Variants in LRRFIP1 observed in about 807,000 individuals in gnomAD.
LRRFIP1 encodes the protein LRR binding FLII interacting protein 1, also known as leucine-rich repeat flightless-interacting protein 1.
A neutral mutation model predicts 104.4 loss-of-function variants in LRRFIP1; 62 were observed. That is an observed-to-expected ratio of 0.59 (90% CI 0.48 to 0.73). The LOEUF is 0.73. LRRFIP1 is among the 30% of genes least tolerant of loss of function. The pLI is 0.00. For missense variants in LRRFIP1, 796 were observed against 824.5 expected (o/e 0.97, Z 0.42); for synonymous variants, 300 against 299.0 (o/e 1.00, Z -0.03).
chr2:237,664,054 GA>G (rs2088663761), intron 1 of LRRFIP1, among the ~76,000 whole-genome samples: 1 of 152,068 alleles, frequency 6.6e-6, no homozygotes, highest in African/African-American at 2.4e-5. Flanking sequence ...GGTGGGGGCA[GA>G]GGGGAAACAG....
Position 237,661,468 on chromosome 2 carries a change from G to C in LRRFIP1, c.96+33728G>C, listed in dbSNP as rs183885508. Among the ~76,000 whole-genome samples, 2 of 152,284 alleles carry C rather than the reference G, an allele frequency of 1.3e-5. No individual in the cohort carries two copies. The highest frequency in any genetic ancestry group is 4.8e-5 in the African/African-American group (2 of 41,570). On this transcript the variant is annotated intron_variant, in intron 1 of 23. Transcript: ENST00000308482. This position sits in a 1 kb window ranked among gnomAD's most constrained non-coding sequence, Gnocchi z 4.4. ...CCAGCTGGCCGGGCTGCCCTCCCCAGACTCCCTCCTTCCTTCCAGATGTGA... is the reference window on the plus strand; with the variant it reads ...CCAGCTGGCCGGGCTGCCCTCCCCACACTCCCTCCTTCCTTCCAGATGTGA...
At chr2:237,772,003 C>T in intron 20 of LRRFIP1, 78 bp from the exon 21 acceptor site, 1 of 969,234 alleles carries the variant, frequency 1.0e-6, no homozygotes, top group Admixed American at 2.0e-5. Flanking sequence ...TGCTTCCTTT[C>T]TGATGGGCTC....
chr2:237,665,804 C>G (rs1452110234), intron 1 of LRRFIP1, among the ~76,000 whole-genome samples: 1 of 152,182 alleles, frequency 6.6e-6, no homozygotes, highest in African/African-American at 2.4e-5. Flanking sequence ...TTCTGAAGAC[C>G]CTCAAGCTGC....
intron 1 of LRRFIP1, among the ~76,000 whole-genome samples, chr2:237,646,204 T>C (rs78141237): frequency 0.02 from 3,015 of 151,950 alleles, 113 homozygotes; most frequent in African/African-American, 0.07. Flanking sequence ...TACTAGCTAT[T>C]TTCCTCCTTT....
intron 22 of LRRFIP1, 63 bp downstream of exon 22, chr2:237,773,008 C>T: frequency 2.2e-6 from 3 of 1,378,802 alleles, no homozygotes; most frequent in East Asian, 2.3e-5. Flanking sequence ...CTAGAAATAG[C>T]CCTGAAAGGC....
At chr2:237,715,092 A>G (rs989446106) in intron 3 of LRRFIP1, among the ~76,000 whole-genome samples, 2 of 152,236 alleles carry the variant, frequency 1.3e-5, no homozygotes, top group Non-Finnish European at 2.9e-5. Flanking sequence ...CGGAGGTTAG[A>G]GCACACAGGC....
chr2:237,655,719 A>T (rs2086705742), intron 1 of LRRFIP1, among the ~76,000 whole-genome samples: 1 of 152,252 alleles, frequency 6.6e-6, no homozygotes, highest in African/African-American at 2.4e-5. Flanking sequence ...AACCAAAACC[A>T]GTTCTCTGTA....
In LRRFIP1 at chr2:237,762,860, G is replaced by A. The variant is rs147303790; in HGVS notation, c.1459+2655G>A. 6.8e-6 allele frequency: 11 copies of A among 1,614,186 alleles called. No homozygotes were observed. In the Admixed American group the frequency reaches 1.8e-4, roughly 27 times the overall value. Reference sequence around the variant, plus strand: ...AATTCTTGAGAGCAGTTCTCTCCCTGAAAACACAGTACAGGTTGAGTCAAA... The same window carrying A: ...AATTCTTGAGAGCAGTTCTCTCCCTAAAAACACAGTACAGGTTGAGTCAAA... On this transcript the variant is annotated intron_variant, in intron 19 of 23. Coordinates refer to ENST00000308482, the MANE Select transcript of LRRFIP1 (RefSeq NM_001137550.2).
At chr2:237,652,624 A>G (rs2149401631) in intron 1 of LRRFIP1, among the ~76,000 whole-genome samples, 1 of 152,382 alleles carries the variant, frequency 6.6e-6, no homozygotes, top group South Asian at 2.1e-4. Context: ...TGTCTCAAAG[A>G]GGTACTTGTA....
intron 11 of LRRFIP1, among the ~76,000 whole-genome samples, chr2:237,745,815 A>G (rs2057767533): frequency 6.6e-6 from 1 of 152,222 alleles, no homozygotes; most frequent in Non-Finnish European, 1.5e-5. Flanking sequence ...CCGTGGAGCA[A>G]ACATGCCACA....
chr2:237,664,554 A>C (rs892570219), intron 1 of LRRFIP1, among the ~76,000 whole-genome samples: 3 of 152,210 alleles, frequency 2.0e-5, no homozygotes, highest in Non-Finnish European at 4.4e-5. Flanking sequence ...CCAAGACTGA[A>C]TGGACTTTTT....
chr2:237,642,862 A>C (rs2084236041), intron 1 of LRRFIP1, among the ~76,000 whole-genome samples: 1 of 152,170 alleles, frequency 6.6e-6, no homozygotes, highest in East Asian at 1.9e-4. Flanking sequence ...TTTCGATTCT[A>C]GGCTCCAGGT....
chr2:237,658,317 T>C (rs1359738599), intron 1 of LRRFIP1, among the ~76,000 whole-genome samples: 1 of 152,240 alleles, frequency 6.6e-6, no homozygotes, highest in African/African-American at 2.4e-5. Context: ...CATACCATGT[T>C]CTTGGATAAG....
At chr2:237,652,132 G>A (rs1471503195) in intron 1 of LRRFIP1, among the ~76,000 whole-genome samples, 4 of 152,206 alleles carry the variant, frequency 2.6e-5, no homozygotes, top group South Asian at 2.1e-4. Flanking sequence ...AAGCAGTGGC[G>A]CCCCCACTCT....
At chr2:237,743,088 G>A (rs888539746) in intron 11 of LRRFIP1, among the ~76,000 whole-genome samples, 4 of 152,178 alleles carry the variant, frequency 2.6e-5, no homozygotes, top group Non-Finnish European at 5.9e-5. Flanking sequence ...GCCAGGGATG[G>A]GATACAGTTG....
At chr2:237,704,119 G>C (rs2093683249) in intron 1 of LRRFIP1, among the ~76,000 whole-genome samples, 1 of 151,418 alleles carries the variant, frequency 6.6e-6, no homozygotes, top group Non-Finnish European at 1.5e-5. Flanking sequence ...AGTGTCTCTG[G>C]GGAAGAATTT....
At chr2:237,749,400 G>GT (rs1364477810) in intron 13 of LRRFIP1, 76 bp downstream of exon 13, 12 of 1,410,148 alleles carry the variant, frequency 8.5e-6, no homozygotes, top group Non-Finnish European at 1.1e-5. Context: ...AAAAAAAAAA[G>GT]TTAATTCATA....
At chr2:237,628,618 G>A (rs924348545) in intron 1 of LRRFIP1, among the ~76,000 whole-genome samples, 20 of 152,334 alleles carry the variant, frequency 1.3e-4, no homozygotes, top group Admixed American at 2.6e-4. Flanking sequence ...TGAACTGTGT[G>A]CCAGGTGGGT....
In LRRFIP1 at chr2:237,720,949, A is replaced by G. The variant is rs928542013; in HGVS notation, c.345+127A>G. ...TCTGATAGTCAATATTTAACCGATG[A>G]GATGCTTACTTAAAATCAAATCAAT... On this transcript the variant is annotated intron_variant, in intron 6 of 23. Transcript: ENST00000308482. 5.1e-6 allele frequency: 4 copies of G among 786,018 alleles called. No homozygotes were observed. In the African/African-American group the frequency reaches 6.8e-5, roughly 13 times the overall value. 48.7% of individuals were successfully genotyped at this position (786,018 alleles called of 1,614,324 possible). A position where few individuals can be genotyped will look rare whatever the true frequency, so the allele number is the denominator to read the frequency against.
Sources: gnomAD v4.1 joint callset for allele counts (sites outside exome capture counted in the v4.1 genomes callset) on GRCh38, gnomAD v4.1.1 for gene constraint, Gnocchi (gnomAD v3.1) non-coding constraint, MANE v1.5 for transcripts, NCBI Gene and HGNC (gene_info 2026-07-23, HGNC 2026-07-21) for gene names.